The following TRPM3 variants were observed in gnomAD, a reference collection of about 807,000 sequenced individuals.
The protein encoded by TRPM3 is long transient receptor potential channel 3.
Under a neutral mutation model 181.2 loss-of-function variants are expected in TRPM3, and 77 were observed. The observed-to-expected ratio is 0.42, with a 90% CI of 0.35 to 0.51. The LOEUF (loss-of-function observed/expected upper bound fraction) is 0.51, where lower values mean the gene tolerates loss of function less well. Ranked by LOEUF, TRPM3 falls within the 20% of genes least tolerant of loss-of-function variation. The pLI is 0.01. For synonymous variants in TRPM3, 745 were observed against 796.4 expected, an observed-to-expected ratio of 0.94 and a Z score of 1.09; for missense variants, 1,759 against 2,196.7, an observed-to-expected ratio of 0.80 and a Z score of 3.98.
At chr9:70,816,883 C>A (rs2131516486) in intron 6 of TRPM3, among the ~76,000 whole-genome samples, 1 of 152,310 alleles carries the variant, frequency 6.6e-6, no homozygotes, top group East Asian at 1.9e-4. Context: ...GGCAGTTTGT[C>A]TTAATCTGAT....
At chr9:71,404,281 T>C (rs930543130) in intron 1 of TRPM3, among the ~76,000 whole-genome samples, 1 of 152,208 alleles carries the variant, frequency 6.6e-6, no homozygotes, top group Non-Finnish European at 1.5e-5. Flanking sequence ...ATAAGAGATA[T>C]AAATGATGAA....
At chr9:70,688,800 T>C (rs2067679093) in intron 8 of TRPM3, among the ~76,000 whole-genome samples, 1 of 152,160 alleles carries the variant, frequency 6.6e-6, no homozygotes, top group South Asian at 2.1e-4. Context: ...TCTTCTATAA[T>C]GTAACTAGGA....
At chr9:71,394,657 T>C (rs190755496) in intron 1 of TRPM3, among the ~76,000 whole-genome samples, 3 of 152,326 alleles carry the variant, frequency 2.0e-5, no homozygotes, top group Non-Finnish European at 1.5e-5. Flanking sequence ...CCCAGCCTTT[T>C]TGATGTATGA....
intron 1 of TRPM3, among the ~76,000 whole-genome samples, chr9:71,160,631 A>G (rs1404592015): frequency 6.6e-6 from 1 of 152,118 alleles, no homozygotes; most frequent in African/African-American, 2.4e-5. Context: ...AGGCCTGCTC[A>G]AGTTCCATCT....
chr9:71,404,982 C>T (rs71505938), intron 1 of TRPM3, among the ~76,000 whole-genome samples: 164 of 152,280 alleles, frequency 1.1e-3, no homozygotes, highest in Non-Finnish European at 1.8e-3. Flanking sequence ...ATGACCCCTT[C>T]GGCTCCTGCA....
intron 5 of TRPM3, among the ~76,000 whole-genome samples, chr9:70,837,796 T>C (rs1332541316): frequency 1.3e-5 from 2 of 152,196 alleles, no homozygotes; most frequent in Non-Finnish European, 2.9e-5. Context: ...AGTCTGTCTC[T>C]GAGTTCGGTT....
chr9:70,925,766 A>G (rs1273134644), intron 1 of TRPM3, among the ~76,000 whole-genome samples: 1 of 152,090 alleles, frequency 6.6e-6, no homozygotes, highest in Non-Finnish European at 1.5e-5. Context: ...CCTTTCAGCC[A>G]GCGCGGGAGA....
intron 1 of TRPM3, among the ~76,000 whole-genome samples, chr9:70,891,036 G>T (rs376172512): frequency 9.7e-4 from 147 of 152,198 alleles, no homozygotes; most frequent in African/African-American, 3.5e-3. Flanking sequence ...TGGGGAGAGG[G>T]GGGAGGGATA....
intron 22 of TRPM3, among the ~76,000 whole-genome samples, chr9:70,583,975 C>T (rs1038727216): frequency 6.6e-6 from 1 of 152,136 alleles, no homozygotes; most frequent in Non-Finnish European, 1.5e-5. Flanking sequence ...ATCGCTGTTC[C>T]CTTTTTCTCC....
intron 1 of TRPM3, among the ~76,000 whole-genome samples, chr9:71,379,991 T>C (rs1325624004): frequency 6.6e-6 from 1 of 152,088 alleles, no homozygotes; most frequent in Non-Finnish European, 1.5e-5. Flanking sequence ...TTTCTGGTTC[T>C]ATTTTCATCT....
At chr9:70,672,126 G>A (rs1436965163) in intron 9 of TRPM3, among the ~76,000 whole-genome samples, 1 of 151,946 alleles carries the variant, frequency 6.6e-6, no homozygotes, top group Non-Finnish European at 1.5e-5. Flanking sequence ...CCTGGTTTTA[G>A]AACCTCTGTT....
chr9:70,787,763 C>CTTTTTTTTTTTTT, intron 6 of TRPM3, among the ~76,000 whole-genome samples: 10 of 68,558 alleles, frequency 1.5e-4, no homozygotes, highest in Admixed American at 1.8e-4. Flanking sequence ...TTTTTGGATT[C>CTTTTTTTTTTTTT]TTTTTTTTTT....
At chr9:71,199,566 AT>A in intron 1 of TRPM3, among the ~76,000 whole-genome samples, 1 of 152,312 alleles carries the variant, frequency 6.6e-6, no homozygotes, top group East Asian at 1.9e-4. Context: ...TTATTGATCT[AT>A]TCAGAGATTC....
At chr9:71,324,883 T>TA (rs1191304466) in intron 1 of TRPM3, among the ~76,000 whole-genome samples, 2 of 152,010 alleles carry the variant, frequency 1.3e-5, no homozygotes, top group African/African-American at 4.8e-5. Flanking sequence ...ATGTGTAAGC[T>TA]AAAAAATTTG....
intron 1 of TRPM3, among the ~76,000 whole-genome samples, chr9:71,307,974 CTT>C (rs1195485360): frequency 2.1e-5 from 3 of 142,188 alleles, no homozygotes; most frequent in Admixed American, 7.0e-5. Flanking sequence ...TTCTTTCTTT[CTT>C]TTTTTTTTTT....
intron 1 of TRPM3, among the ~76,000 whole-genome samples, chr9:71,302,388 C>T (rs2086862487): frequency 6.6e-6 from 1 of 152,102 alleles, no homozygotes; most frequent in South Asian, 2.1e-4. Flanking sequence ...AGTCTAAAAG[C>T]CACCAAAATA....
At chr9:70,902,961 G>A (rs1024054918) in intron 1 of TRPM3, among the ~76,000 whole-genome samples, 6 of 152,172 alleles carry the variant, frequency 3.9e-5, no homozygotes, top group Admixed American at 1.3e-4. Context: ...CCACAAGTAC[G>A]TAAGGTTCCA....
chr9:70,798,233 T>C (rs1304672923), intron 6 of TRPM3, among the ~76,000 whole-genome samples: 8 of 152,114 alleles, frequency 5.3e-5, no homozygotes, highest in Admixed American at 5.2e-4. Flanking sequence ...TTCTATATTT[T>C]GTGTAGAGAC....
intron 22 of TRPM3, among the ~76,000 whole-genome samples, chr9:70,580,493 T>G (rs1174253036): frequency 6.6e-6 from 1 of 152,086 alleles, no homozygotes; most frequent in Admixed American, 6.5e-5. Context: ...AAAAACAATA[T>G]GGTGTCCACA....
Sources: allele counts gnomAD v4.1 joint callset (sites outside exome capture counted in the v4.1 genomes callset), GRCh38; gene constraint gnomAD v4.1.1; transcripts MANE v1.5; gene names NCBI Gene and HGNC (gene_info 2026-07-23, HGNC 2026-07-21).